SPG7: variants seen among roughly 807,000 people sequenced by gnomAD.
The protein encoded by SPG7 is SPG7 matrix AAA peptidase subunit, paraplegin, also known as mitochondrial inner membrane m-AAA protease component paraplegin.
Under a neutral mutation model 81.9 loss-of-function variants are expected in SPG7, and 103 were observed. That is an observed-to-expected ratio of 1.26 (90% CI 1.07 to 1.48). The LOEUF is 1.48. SPG7 is among the 40% of genes most tolerant of loss of function. The probability of loss-of-function intolerance (pLI) is 0.00; values close to 1 mark genes in which losing one functional copy is unlikely to be tolerated. For synonymous variants in SPG7, 534 were observed against 444.2 expected (o/e 1.20, Z -2.54); for missense variants, 1,241 against 1,087.3 (o/e 1.14, Z -1.99).
intron 2 of SPG7, among the ~76,000 whole-genome samples, chr16:89,510,796 C>G (rs1159282070): frequency 6.6e-6 from 1 of 152,160 alleles, no homozygotes; most frequent in Non-Finnish European, 1.5e-5. Context: ...TCCGGAGTAG[C>G]TAGGACTACA....
At chr16:89,541,297 C>T (rs1356753583) in intron 9 of SPG7, 3 of 985,338 alleles carry the variant, frequency 3.0e-6, no homozygotes, top group Non-Finnish European at 2.4e-6. Flanking sequence ...GTGTTCTATG[C>T]AGCAGTAGAA....
intron 8 of SPG7, 109 bp downstream of exon 8, chr16:89,532,175 G>A (rs2152403592): frequency 8.1e-7 from 1 of 1,237,418 alleles, no homozygotes. Context: ...GGGTGGGGGA[G>A]TAGAGAAGGA....
intron 14 of SPG7, 103 bp from the exon 15 acceptor site, chr16:89,553,691 T>C: frequency 8.8e-7 from 1 of 1,135,630 alleles, no homozygotes; most frequent in Non-Finnish European, 1.3e-6. Context: ...AGGAAGGGGA[T>C]GGAGGTGGTG....
chr16:89,557,381 C>A lies in SPG7; in HGVS notation c.*288C>A. On this transcript the variant is annotated 3_prime_UTR_variant, in exon 17 of 17. Transcript: ENST00000645818. ...TCGAGTTCCCAGGGTTATAGACAGT[C>A]GTTCCCAGTGTGGCTGAGGCCACCC... 2.2e-6 allele frequency: 1 copy of A among 458,012 alleles called. No homozygotes were observed. The highest frequency in any genetic ancestry group is 4.0e-6 in the Non-Finnish European group (1 of 249,150). 28.4% of individuals were successfully genotyped at this position (458,012 alleles called of 1,614,324 possible).
intron 1 of SPG7, among the ~76,000 whole-genome samples, chr16:89,509,457 G>T (rs548925712): frequency 3.9e-5 from 6 of 152,242 alleles, no homozygotes; most frequent in East Asian, 3.9e-4. Flanking sequence ...CACCATGTTG[G>T]CCAGGATGGT....
At chr16:89,511,652 T>A (rs1328964784) in intron 2 of SPG7, among the ~76,000 whole-genome samples, 1 of 152,206 alleles carries the variant, frequency 6.6e-6, no homozygotes, top group Non-Finnish European at 1.5e-5. Context: ...ACCGGGGCCG[T>A]TTCACTGGTG....
In SPG7 at chr16:89,552,921, C is replaced by A. The variant is rs1310407609; in HGVS notation, c.1780-58C>A. 3.2e-6 allele frequency: 5 copies of A among 1,568,192 alleles called. No homozygotes were observed. In the East Asian group the frequency reaches 1.1e-4, roughly 35 times the overall value. On this transcript the variant is annotated intron_variant, in intron 13 of 16. Transcript: ENST00000645818. ...CGGAGACCTCTTAGTCCCACACCTTCCTCCTCAAAGCCCACGCATCCTGCC... is the reference window on the plus strand; with the variant it reads ...CGGAGACCTCTTAGTCCCACACCTTACTCCTCAAAGCCCACGCATCCTGCC...
chr16:89,549,295 C>A (rs1057803), intron 12 of SPG7: 1 of 444,966 alleles, frequency 2.2e-6, no homozygotes, highest in Non-Finnish European at 4.5e-6. Flanking sequence ...TGGACACTTA[C>A]AGATGTGTGG....
intron 13 of SPG7, 40 bp downstream of exon 13, chr16:89,550,649 A>C: frequency 6.9e-7 from 1 of 1,452,704 alleles, no homozygotes; most frequent in Non-Finnish European, 9.6e-7. Context: ...GCCTTGGCCA[A>C]AGGTGGGTGG....
At chr16:89,552,922 C>T in intron 13 of SPG7, 57 bp from the exon 14 acceptor site, 1 of 1,576,116 alleles carries the variant, frequency 6.3e-7, no homozygotes, top group Non-Finnish European at 8.7e-7. Context: ...CCACACCTTC[C>T]TCCTCAAAGC....
At chr16:89,555,540 T>A (rs1220379350) in intron 16 of SPG7, 1 of 213,102 alleles carries the variant, frequency 4.7e-6, no homozygotes, top group Non-Finnish European at 9.2e-6. Context: ...ATGTGCTGAG[T>A]CTCCCCAGTG....
chr16:89,529,665 C>A, intron 6 of SPG7, 86 bp downstream of exon 6: 3 of 979,008 alleles, frequency 3.1e-6, no homozygotes, highest in Non-Finnish European at 4.8e-6. Context: ...GATGAATACA[C>A]AGGGAAAACC....
At chr16:89,530,910 C>A in intron 7 of SPG7, 102 bp downstream of exon 7, 1 of 1,530,542 alleles carries the variant, frequency 6.5e-7, no homozygotes, top group South Asian at 1.1e-5. Context: ...GATGACGTGT[C>A]GTGGGTTGGC....
intron 9 of SPG7, chr16:89,537,475 G>A (rs763909925): frequency 1.2e-5 from 12 of 1,006,282 alleles, no homozygotes; most frequent in Non-Finnish European, 1.2e-5. Flanking sequence ...GAAGCAAGAC[G>A]ACGGCCCCTG....
rs935813454 is a variant in SPG7, at chr16:89,541,405, C to G, written c.1325-3243C>G. 3.5e-5 allele frequency: 31 copies of G among 880,294 alleles called. No individual in the cohort carries two copies. The African/African-American group carries it at 5.3e-4, about 15-fold the overall frequency. The allele number at this position is 880,294 out of a possible 1,614,324, so 54.5% of individuals were successfully genotyped here. A position where few individuals can be genotyped will look rare whatever the true frequency, so the allele number is the denominator to read the frequency against. ...CACTTGTACGAAATTGTCAAAATAA[C>G]AAAATTCTGGGGATGGAGAACGGGT... On this transcript the variant is annotated intron_variant, in intron 9 of 16. Coordinates refer to ENST00000645818, the MANE Select transcript of SPG7 (RefSeq NM_003119.4).
chr16:89,537,083 A>G, intron 9 of SPG7: 6 of 1,540,178 alleles, frequency 3.9e-6, no homozygotes, highest in Non-Finnish European at 5.2e-6. Flanking sequence ...AGCTCTAAAC[A>G]AGTCCCTTTA....
chr16:89,513,337 T>C (rs1481775318), intron 3 of SPG7, among the ~76,000 whole-genome samples: 1 of 151,788 alleles, frequency 6.6e-6, no homozygotes, highest in Non-Finnish European at 1.5e-5. Context: ...GCCAACATGG[T>C]GAAACCCCGT....
intron 3 of SPG7, among the ~76,000 whole-genome samples, chr16:89,515,651 G>C (rs1421973719): frequency 6.6e-6 from 1 of 150,378 alleles, no homozygotes; most frequent in African/African-American, 2.4e-5. Context: ...AAGGTGGGAT[G>C]ATCACTTGAG....
intron 3 of SPG7, chr16:89,522,689 G>A (rs1449966928): frequency 6.5e-6 from 1 of 152,780 alleles, no homozygotes; most frequent in Non-Finnish European, 1.5e-5. Flanking sequence ...AGAACTGGAG[G>A]AGAGACTGAC....
Sources: allele counts gnomAD v4.1 joint callset (sites outside exome capture counted in the v4.1 genomes callset), GRCh38; gene constraint gnomAD v4.1.1; transcripts MANE v1.5; gene names NCBI Gene and HGNC (gene_info 2026-07-23, HGNC 2026-07-21).